The following TENM3 variants were observed in gnomAD, a reference collection of about 807,000 sequenced individuals.
TENM3 encodes the protein teneurin transmembrane protein 3.
In TENM3, 63 loss-of-function variants were observed where a neutral mutation model predicts 255.1. That is an observed-to-expected ratio of 0.25 (90% CI 0.20 to 0.30). TENM3 has a LOEUF of 0.30. TENM3 is among the 10% of genes least tolerant of loss of function. TENM3 has a pLI of 1.00. For missense variants in TENM3, 2,929 were observed against 3,461.1 expected (o/e 0.85, Z 3.86); for synonymous variants, 1,306 against 1,322.3 (o/e 0.99, Z 0.27).
intron 1 of TENM3, among the ~76,000 whole-genome samples, chr4:182,161,723 A>ATATATATACACAAATATATATG (rs1561152942): frequency 8.1e-3 from 1 of 124 alleles, no homozygotes; most frequent in Admixed American, 0.17. Flanking sequence ...ATATATGTGT[A>ATATATATACACAAATATATATG]TATATATATA....
the TENM3 span, among the ~76,000 whole-genome samples, chr4:182,098,037 C>T: frequency 1.3e-5 from 2 of 152,052 alleles, no homozygotes; most frequent in East Asian, 3.9e-4. Flanking sequence ...GAATAGACAT[C>T]TCTCAAAAGA....
chr4:182,450,275 A>G (rs987584556), intron 3 of TENM3, among the ~76,000 whole-genome samples: 1 of 152,266 alleles, frequency 6.6e-6, no homozygotes, highest in Non-Finnish European at 1.5e-5. Context: ...TTAAAGTAGT[A>G]CTTAAGAAAG....
chr4:181,635,589 G>T, the TENM3 span, among the ~76,000 whole-genome samples: 5,517 of 152,260 alleles, frequency 0.036, 135 homozygotes, highest in South Asian at 0.11. Flanking sequence ...GACAGTGGTT[G>T]TCAAGCTGGG....
At chr4:181,616,104 CAG>C in the TENM3 span, among the ~76,000 whole-genome samples, 1 of 151,846 alleles carries the variant, frequency 6.6e-6, no homozygotes, top group Non-Finnish European at 1.5e-5. Context: ...AAAATGTCAA[CAG>C]AGACAATTTG....
chr4:182,587,375 A>G (rs1405642814), intron 3 of TENM3, among the ~76,000 whole-genome samples: 2 of 152,122 alleles, frequency 1.3e-5, no homozygotes, highest in Non-Finnish European at 2.9e-5. Context: ...CAAGACCAAC[A>G]TGGTGAAACC....
the TENM3 span, among the ~76,000 whole-genome samples, chr4:181,729,027 A>T: frequency 1.3e-5 from 2 of 152,228 alleles, no homozygotes; most frequent in Non-Finnish European, 2.9e-5. Context: ...CATGCAAAAC[A>T]CTGTGAACAC....
intron 5 of TENM3, among the ~76,000 whole-genome samples, chr4:182,641,662 G>A (rs1475399927): frequency 6.6e-6 from 1 of 152,014 alleles, no homozygotes; most frequent in Non-Finnish European, 1.5e-5. Flanking sequence ...CGAGTAGCTG[G>A]GATTACAAGT....
the TENM3 span, among the ~76,000 whole-genome samples, chr4:181,706,010 C>T: frequency 6.6e-6 from 1 of 152,186 alleles, no homozygotes; most frequent in Admixed American, 6.5e-5. Context: ...GTAACAAATA[C>T]TGGATGGCTT....
chr4:182,283,223 G>A (rs1471093642), intron 1 of TENM3, among the ~76,000 whole-genome samples: 3 of 152,064 alleles, frequency 2.0e-5, no homozygotes, highest in East Asian at 1.9e-4. Context: ...CTTATAAAAC[G>A]TAAATAATAT....
At chr4:182,262,363 A>G (rs1284081397) in intron 1 of TENM3, among the ~76,000 whole-genome samples, 2 of 152,212 alleles carry the variant, frequency 1.3e-5, no homozygotes, top group Non-Finnish European at 2.9e-5. Context: ...ATTTTCGGAC[A>G]GTGAAGGCAT....
At chr4:181,737,773 C>T in the TENM3 span, among the ~76,000 whole-genome samples, 10 of 151,308 alleles carry the variant, frequency 6.6e-5, no homozygotes, top group African/African-American at 2.2e-4. Context: ...TATGATATGC[C>T]CAAGCGGTCA....
At chr4:182,235,816 G>A (rs1422278898) in intron 1 of TENM3, among the ~76,000 whole-genome samples, 1 of 152,218 alleles carries the variant, frequency 6.6e-6, no homozygotes, top group African/African-American at 2.4e-5. Context: ...GTTCATTCAG[G>A]CAGTGAACCA....
chr4:182,273,286 A>G (rs970752378), intron 1 of TENM3, among the ~76,000 whole-genome samples: 26 of 152,296 alleles, frequency 1.7e-4, no homozygotes, highest in African/African-American at 6.0e-4. Flanking sequence ...CGATTTCACT[A>G]CTTATACATG....
chr4:182,255,901 C>G (rs368505810), intron 1 of TENM3, among the ~76,000 whole-genome samples: 4 of 152,322 alleles, frequency 2.6e-5, no homozygotes, highest in Admixed American at 2.0e-4. Flanking sequence ...TACACCACGT[C>G]TTAACTCTCA....
intron 13 of TENM3, among the ~76,000 whole-genome samples, chr4:182,720,336 A>G (rs1215711960): frequency 1.3e-5 from 2 of 152,106 alleles, no homozygotes; most frequent in African/African-American, 4.8e-5. Flanking sequence ...AGGAAACAGC[A>G]CTGGAAAGGA....
At chr4:182,070,395 G>T in the TENM3 span, among the ~76,000 whole-genome samples, 4 of 152,190 alleles carry the variant, frequency 2.6e-5, no homozygotes, top group Non-Finnish European at 5.9e-5. Context: ...AAGGTGGGTG[G>T]ATCACTCGAG....
At chr4:181,659,387 C>A in the TENM3 span, among the ~76,000 whole-genome samples, 1 of 152,132 alleles carries the variant, frequency 6.6e-6, no homozygotes, top group Non-Finnish European at 1.5e-5. Flanking sequence ...ACCCTGAGTT[C>A]TTTCTTGCAC....
chr4:181,728,040 C>T, the TENM3 span, among the ~76,000 whole-genome samples: 1 of 152,126 alleles, frequency 6.6e-6, no homozygotes, highest in Non-Finnish European at 1.5e-5. Flanking sequence ...TCAGTCTGAT[C>T]TTTTTGTGAT....
chr4:182,032,970 T>G, the TENM3 span, among the ~76,000 whole-genome samples: 1 of 151,546 alleles, frequency 6.6e-6, no homozygotes, highest in Non-Finnish European at 1.5e-5. Context: ...TCTATCTATT[T>G]TATTAATTTT....
Sources: allele counts gnomAD v4.1 joint callset (sites outside exome capture counted in the v4.1 genomes callset), GRCh38; gene constraint gnomAD v4.1.1; transcripts MANE v1.5; gene names NCBI Gene and HGNC (gene_info 2026-07-23, HGNC 2026-07-21).